The following ITGB1 variants were observed in gnomAD, a reference collection of about 807,000 sequenced individuals.
The protein encoded by ITGB1 is integrin subunit beta 1, also known as integrin beta-1.
Under a neutral mutation model 86.5 loss-of-function variants are expected in ITGB1, and 24 were observed. The observed-to-expected ratio is 0.28, with a 90% CI of 0.20 to 0.39. The LOEUF is 0.39. ITGB1 is among the 10% of genes least tolerant of loss of function. ITGB1 has a pLI of 1.00. For synonymous variants in ITGB1, 323 were observed against 316.8 expected (o/e 1.02, Z -0.21); for missense variants, 556 against 946.9 (o/e 0.59, Z 5.42).
At chr10:32,946,749 T>C (rs890042153) in intron 1 of ITGB1, among the ~76,000 whole-genome samples, 2 of 25,112 alleles carry the variant, frequency 8.0e-5, no homozygotes, top group Admixed American at 7.4e-4. Flanking sequence ...TATGTATTTC[T>C]GGGGGGGGGG....
rs558721967 is a variant in ITGB1 at position 32,938,758 on chromosome 10, T to C, written c.1-3200A>G. Among the ~76,000 whole-genome samples the C allele has an allele frequency of 6.0e-4, 92 of 152,186 alleles. 1 individual carries two copies. Among genetic ancestry groups the C allele is most frequent in the African/African-American group, 2.2e-3 (91 of 41,508 alleles). Reference sequence around the variant, plus strand: ...GGCAAGAAACAGAGAGGCACTGCCATTGGCTAGTGATATCTGTAAAAGGCG... The same window carrying C: ...GGCAAGAAACAGAGAGGCACTGCCACTGGCTAGTGATATCTGTAAAAGGCG... On this transcript the variant is annotated intron_variant, in intron 1 of 15. Transcript: ENST00000302278.
chr10:32,942,812 G>C (rs916133700), intron 1 of ITGB1, among the ~76,000 whole-genome samples: 4 of 151,008 alleles, frequency 2.6e-5, no homozygotes. Context: ...AGCCTCCCAA[G>C]TAACTGGGAC....
At chr10:32,948,755 C>A (rs939100493) in intron 1 of ITGB1, among the ~76,000 whole-genome samples, 2 of 152,112 alleles carry the variant, frequency 1.3e-5, no homozygotes, top group Non-Finnish European at 2.9e-5. Context: ...TAGATGCCAA[C>A]CCCTTGATAA....
At chr10:32,951,593 C>A (rs2095042765) in intron 1 of ITGB1, 1 of 152,174 alleles carries the variant, frequency 6.6e-6, no homozygotes, top group Non-Finnish European at 1.5e-5. Flanking sequence ...ATATGAAGGG[C>A]TGATCCAAAA....
chr10:32,955,015 C>T, intron 1 of ITGB1, among the ~76,000 whole-genome samples: 1 of 152,126 alleles, frequency 6.6e-6, no homozygotes, highest in East Asian at 1.9e-4. Context: ...TACCGACAGA[C>T]ATATTGGAAG....
At chr10:32,939,767 A>AGT (rs1342025009) in intron 1 of ITGB1, among the ~76,000 whole-genome samples, 13 of 144,214 alleles carry the variant, frequency 9.0e-5, no homozygotes, top group African/African-American at 3.4e-4. Context: ...TGAGTGAGTG[A>AGT]GAGGGGCAAG....
At chr10:32,943,527 CAAGAGGAAAAAGTCAA>C (rs2095024028) in intron 1 of ITGB1, among the ~76,000 whole-genome samples, 1 of 151,736 alleles carries the variant, frequency 6.6e-6, no homozygotes, top group Admixed American at 6.6e-5. Flanking sequence ...AAAAAGTTAA[CAAGAGGAAAAAGTCAA>C]AAGACCAGAC....
At chr10:32,938,987 T>C (rs1268247982) in intron 1 of ITGB1, among the ~76,000 whole-genome samples, 1 of 152,126 alleles carries the variant, frequency 6.6e-6, no homozygotes, top group Non-Finnish European at 1.5e-5. Flanking sequence ...CTACCGGTAC[T>C]GGGTGCCCCC....
chr10:32,908,202 GCTTT>G (rs3035175), intron 15 of ITGB1, 162 bp downstream of exon 15: 105,572 of 656,568 alleles, frequency 0.16, 9,075 homozygotes, highest in East Asian at 0.25. Context: ...TATTTAGGAT[GCTTT>G]CTGTTTTTCA....
At position 32,911,510 on chromosome 10, in the gene ITGB1, C is replaced by T. The variant is rs201871073; in HGVS notation, c.1869G>A (p.Pro623=). ...TCTCACACGTTTGCCCTTGAAACTT[C>T]GGATCTGTACACTTACAGACACCAC... ...CECGVCKCTD[P]KFQGQTCEMC... The change falls in exon 13 of 16, where the codon CCG becomes CCA. Residue 623 remains proline (P), a synonymous_variant. Coordinates refer to ENST00000302278, the MANE Select transcript of ITGB1 (RefSeq NM_002211.4). 56 of 1,614,016 alleles carry T rather than the reference C, an allele frequency of 3.5e-5. No individual in the cohort carries two copies. Among genetic ancestry groups the T allele is most frequent in the Middle Eastern group, 1.6e-4 (1 of 6,084 alleles).
intron 7 of ITGB1, among the ~76,000 whole-genome samples, 188 bp from the exon 8 acceptor site, chr10:32,922,923 A>G (rs1033591633): frequency 6.6e-6 from 1 of 152,202 alleles, no homozygotes; most frequent in African/African-American, 2.4e-5. Flanking sequence ...CTAGATTACA[A>G]GACTGCTTTC....
At chr10:32,917,879 A>G (rs1333316496) in intron 11 of ITGB1, among the ~76,000 whole-genome samples, 1 of 152,224 alleles carries the variant, frequency 6.6e-6, no homozygotes, top group African/African-American at 2.4e-5. Context: ...ATGCTGCTAT[A>G]AAGACACGTG....
Position 32,932,566 on chromosome 10 carries a change from T to G in ITGB1, c.102A>C (p.Ser34=). 1 of 1,609,966 alleles carries G rather than the reference T, an allele frequency of 6.2e-7. No individual in the cohort carries two copies. Among genetic ancestry groups the G allele is most frequent in the Non-Finnish European group, 8.5e-7 (1 of 1,176,354 alleles). ...ENRCLKANAK[S]CGECIQAGPN... Reference sequence around the variant, plus strand: ...GCCCTGCTTGTATACATTCTCCACATGATTTGGCATTTGCTTTTAAACATC... The same window carrying G: ...GCCCTGCTTGTATACATTCTCCACAGGATTTGGCATTTGCTTTTAAACATC... The change falls in exon 3 of 16, where the codon TCA becomes TCC. Residue 34 remains serine, a synonymous_variant. Coordinates refer to ENST00000302278, the MANE Select transcript of ITGB1 (RefSeq NM_002211.4).
chr10:32,930,188 C>A, intron 3 of ITGB1, 144 bp from the exon 4 acceptor site: 1 of 609,754 alleles, frequency 1.6e-6, no homozygotes. Context: ...CAAAATGCTC[C>A]CTTCATCCAA....
rs1301283681 is a variant in ITGB1 at position 32,900,571 on chromosome 10, A to G, written c.*999T>C. On this transcript the variant is annotated 3_prime_UTR_variant, in exon 16 of 16. Transcript: ENST00000302278. ...TCTGTTATGGCACTAACTCAAAGTAAGACTCGCGTAGGTGAGAGCTGTTGC... is the reference window on the plus strand; with the variant it reads ...TCTGTTATGGCACTAACTCAAAGTAGGACTCGCGTAGGTGAGAGCTGTTGC... 6.7e-6 allele frequency: 1 copy of G among 148,292 alleles called. No individual in the cohort carries two copies. The highest frequency in any genetic ancestry group is 2.5e-5 in the African/African-American group (1 of 39,810). 9.2% of individuals were successfully genotyped at this position (148,292 alleles called of 1,614,324 possible).
At chr10:32,910,066 GTTAA>G (rs1195103848) in intron 14 of ITGB1, among the ~76,000 whole-genome samples, 153 bp downstream of exon 14, 2 of 152,028 alleles carry the variant, frequency 1.3e-5, no homozygotes, top group Admixed American at 1.3e-4. Context: ...TTCTTATACA[GTTAA>G]TTAGATAATA....
At chr10:32,913,319 T>C (rs2094919759) in intron 11 of ITGB1, among the ~76,000 whole-genome samples, 1 of 152,224 alleles carries the variant, frequency 6.6e-6, no homozygotes, top group Admixed American at 6.5e-5. Context: ...AGAATGACTT[T>C]GACAAGTTGA....
intron 11 of ITGB1, among the ~76,000 whole-genome samples, chr10:32,918,642 TC>T (rs1281456072): frequency 2.0e-5 from 3 of 152,272 alleles, no homozygotes; most frequent in South Asian, 4.1e-4. Flanking sequence ...AAAAATGTAA[TC>T]TAGCAATGAA....
At chr10:32,929,695 C>A (rs2094976855) in intron 4 of ITGB1, 127 bp downstream of exon 4, 1 of 644,888 alleles carries the variant, frequency 1.6e-6, no homozygotes, top group South Asian at 2.2e-5. Flanking sequence ...TAAACAATTC[C>A]ACATTTTTGA....
Sources: gnomAD v4.1 joint callset for allele counts (sites outside exome capture counted in the v4.1 genomes callset) on GRCh38, gnomAD v4.1.1 for gene constraint, MANE v1.5 for transcripts, NCBI Gene and HGNC (gene_info 2026-07-23, HGNC 2026-07-21) for gene names.